COBLL1: variants seen among roughly 807,000 people sequenced by gnomAD.
COBLL1 encodes the protein cordon-bleu WH2 repeat protein like 1.
Under a neutral mutation model 94.8 loss-of-function variants are expected in COBLL1, and 50 were observed. The ratio of observed to expected loss-of-function variants is 0.53; its 90% CI spans 0.42 to 0.67. The LOEUF is 0.67. COBLL1 is among the 30% of genes least tolerant of loss of function. The pLI is 0.00. For missense variants in COBLL1, 1,362 were observed against 1,348.7 expected, an observed-to-expected ratio of 1.01 and a Z score of -0.15; for synonymous variants, 448 against 473.8, an observed-to-expected ratio of 0.95 and a Z score of 0.71.
chr2:164,789,586 G>T (rs963342126), intron 2 of COBLL1, among the ~76,000 whole-genome samples: 1 of 152,030 alleles, frequency 6.6e-6, no homozygotes, highest in Admixed American at 6.6e-5. Flanking sequence ...AGCTCAGAGG[G>T]TATGTTAGAA....
intron 3 of COBLL1, among the ~76,000 whole-genome samples, chr2:164,730,335 A>AAT (rs1685933373): frequency 6.7e-6 from 1 of 149,148 alleles, no homozygotes; most frequent in Non-Finnish European, 1.5e-5. Flanking sequence ...ACAAAAAATA[A>AAT]AAAAAAAAAA....
In COBLL1 at chr2:164,689,667, G is replaced by A. The variant is rs920547137; in HGVS notation, c.3300+2554C>T. Among the ~76,000 whole-genome samples, 15 of 152,156 alleles carry A rather than the reference G, an allele frequency of 9.9e-5. No homozygotes were observed. In the South Asian group the frequency reaches 1.0e-3, roughly 11 times the overall value. On this transcript the variant is annotated intron_variant, in intron 13 of 13. Transcript: ENST00000652658. ...ATGTCAAGAGAAAAAATACCTCCAC[G>A]TTCCCTATTAATCTTCTTTTAAAAT...
chr2:164,730,045 C>T lies in COBLL1; in HGVS notation c.301G>A (p.Asp101Asn), dbSNP rs756776503. 7 of 1,613,822 alleles carry T rather than the reference C, an allele frequency of 4.3e-6. No individual in the cohort carries two copies. Among genetic ancestry groups the T allele is most frequent in the Non-Finnish European group, 5.9e-6 (7 of 1,179,918 alleles). The change falls in exon 4 of 14, where the codon GAT becomes AAT. Residue 101 changes from aspartate (D) to asparagine (N), a missense_variant. Transcript: ENST00000652658. ...YHLNPSSYTI[D>N]LLSAEQNHIK... ...TGGTTCTGTTCAGCTGACAACAGAT[C>T]GATTGTGTAACTTGATGGATTTAAG...
At chr2:164,722,016 A>T (rs536868504) in intron 7 of COBLL1, 59 bp downstream of exon 7, 211 of 1,330,062 alleles carry the variant, frequency 1.6e-4, no homozygotes, top group Non-Finnish European at 2.2e-4. Flanking sequence ...AGGTAAGAGG[A>T]AAAATAAATG....
chr2:164,813,608 T>C (rs911074336), intron 2 of COBLL1, among the ~76,000 whole-genome samples: 1 of 152,150 alleles, frequency 6.6e-6, no homozygotes, highest in African/African-American at 2.4e-5. Flanking sequence ...AGCATCTCCA[T>C]GTCTCTTAAA....
intron 2 of COBLL1, among the ~76,000 whole-genome samples, chr2:164,820,263 A>G (rs894920240): frequency 6.6e-6 from 1 of 152,188 alleles, no homozygotes. Flanking sequence ...TCTGTTGCCC[A>G]GGCTAGTATG....
intron 3 of COBLL1, among the ~76,000 whole-genome samples, chr2:164,735,845 C>T (rs543287167): frequency 4.6e-5 from 7 of 152,242 alleles, no homozygotes; most frequent in Non-Finnish European, 7.4e-5. Context: ...TTTCCTAAGG[C>T]AGGAGCACAC....
At chr2:164,707,510 T>C (rs1273666090) in intron 7 of COBLL1, among the ~76,000 whole-genome samples, 1 of 152,190 alleles carries the variant, frequency 6.6e-6, no homozygotes, top group East Asian at 1.9e-4. Context: ...TAGATTTATT[T>C]CTATGATGAG....
chr2:164,836,923 G>A (rs927443458), intron 2 of COBLL1, among the ~76,000 whole-genome samples: 13 of 152,194 alleles, frequency 8.5e-5, no homozygotes, highest in Non-Finnish European at 5.9e-5. Context: ...CCAAGAATTC[G>A]TGTGAAAGTA....
intron 2 of COBLL1, among the ~76,000 whole-genome samples, chr2:164,808,968 C>T (rs1030871236): frequency 7.2e-5 from 11 of 152,056 alleles, no homozygotes; most frequent in Non-Finnish European, 1.2e-4. Context: ...TCACTAAATA[C>T]TCTCAAAGTA....
In COBLL1 at chr2:164,710,879, A is replaced by G. The variant is rs140785987; in HGVS notation, c.997-5774T>C. Reference sequence around the variant, plus strand: ...TGCCCGGCCAGCAGCAGCATTCTTAAGCTGTATTTTCTTCTGTGCACTTTA... The same window carrying G: ...TGCCCGGCCAGCAGCAGCATTCTTAGGCTGTATTTTCTTCTGTGCACTTTA... On this transcript the variant is annotated intron_variant, in intron 7 of 13. Transcript: ENST00000652658. 1.9e-3 allele frequency among the ~76,000 whole-genome samples: 293 copies of G among 152,166 alleles called. 1 individual carries two copies. The highest frequency in any genetic ancestry group is 3.4e-3 in the Non-Finnish European group (232 of 67,978).
At chr2:164,779,729 C>T (rs1688647236) in intron 2 of COBLL1, 2 of 470,880 alleles carry the variant, frequency 4.2e-6, no homozygotes, top group Non-Finnish European at 8.8e-6. Context: ...AGAGACCACA[C>T]AGACTAGGGC....
chr2:164,732,956 G>A (rs1353929856), intron 3 of COBLL1, among the ~76,000 whole-genome samples: 1 of 152,182 alleles, frequency 6.6e-6, no homozygotes, highest in Non-Finnish European at 1.5e-5. Flanking sequence ...TTGGGAGGCT[G>A]AGGCAGGAGA....
At chr2:164,781,770 T>C (rs1260703801) in intron 2 of COBLL1, among the ~76,000 whole-genome samples, 1 of 152,150 alleles carries the variant, frequency 6.6e-6, no homozygotes, top group African/African-American at 2.4e-5. Flanking sequence ...GCTTTATCTG[T>C]GAAGGTGCTC....
intron 2 of COBLL1, among the ~76,000 whole-genome samples, chr2:164,798,945 G>A (rs975987975): frequency 2.7e-5 from 4 of 148,192 alleles, no homozygotes; most frequent in African/African-American, 5.0e-5. Flanking sequence ...GCGTGAACCC[G>A]GGAGGCAGAG....
intron 2 of COBLL1, among the ~76,000 whole-genome samples, chr2:164,792,169 C>T (rs371575751): frequency 1.1e-4 from 17 of 151,918 alleles, no homozygotes; most frequent in African/African-American, 4.1e-4. Context: ...CACTCTGTGG[C>T]CCAGGCTGGA....
chr2:164,826,896 G>C (rs10566394), intron 2 of COBLL1, among the ~76,000 whole-genome samples: 1 of 122,010 alleles, frequency 8.2e-6, no homozygotes, highest in Non-Finnish European at 1.8e-5. Context: ...TCTTTGTTTC[G>C]TTTTTTTTTT....
chr2:164,665,342 G>GAAAA (rs1419744447), intron 2 of COBLL1, among the ~76,000 whole-genome samples: 4 of 135,634 alleles, frequency 2.9e-5, no homozygotes, highest in Non-Finnish European at 6.4e-5. Flanking sequence ...AAAAAAAAAA[G>GAAAA]AAAGAAAGAA....
At chr2:164,822,599 A>T (rs1232503591) in intron 2 of COBLL1, among the ~76,000 whole-genome samples, 1 of 152,138 alleles carries the variant, frequency 6.6e-6, no homozygotes, top group East Asian at 1.9e-4. Context: ...GCTCTGGTCA[A>T]GAGAAGTTGA....
Sources: allele counts gnomAD v4.1 joint callset (sites outside exome capture counted in the v4.1 genomes callset), GRCh38; gene constraint gnomAD v4.1.1; transcripts MANE v1.5; gene names NCBI Gene and HGNC (gene_info 2026-07-23, HGNC 2026-07-21).